ANK2: variants seen among roughly 807,000 people sequenced by gnomAD.
ANK2 encodes ankyrin-2.
A neutral mutation model predicts 360.5 loss-of-function variants in ANK2; 83 were observed. The ratio of observed to expected loss-of-function variants is 0.23; its 90% CI spans 0.19 to 0.28. The LOEUF (loss-of-function observed/expected upper bound fraction) is 0.28. ANK2 is among the 10% of genes least tolerant of loss of function. ANK2 has a pLI of 1.00. For missense variants in ANK2, 4,201 were observed against 4,795.7 expected (o/e 0.88, Z 3.66); for synonymous variants, 1,740 against 1,759.5 (o/e 0.99, Z 0.28).
At chr4:113,177,657 A>G (rs1026223274) in intron 2 of ANK2, among the ~76,000 whole-genome samples, 4 of 152,236 alleles carry the variant, frequency 2.6e-5, no homozygotes, top group Non-Finnish European at 5.9e-5. Context: ...CTCAATTCTT[A>G]TCATATTTAT....
At chr4:113,255,226 A>G (rs1031918655) in intron 10 of ANK2, among the ~76,000 whole-genome samples, 1 of 152,194 alleles carries the variant, frequency 6.6e-6, no homozygotes, top group African/African-American at 2.4e-5. Context: ...GTCTCCTAAT[A>G]CTATAGGTAA....
chr4:113,048,079 T>C (rs1025745872), upstream of ANK2, among the ~76,000 whole-genome samples: 1 of 151,540 alleles, frequency 6.6e-6, no homozygotes, highest in Non-Finnish European at 1.5e-5. Flanking sequence ...AATTTCAAAG[T>C]GCATTTATAT....
intron 1 of ANK2, among the ~76,000 whole-genome samples, chr4:112,848,574 T>A (rs1040871198): frequency 6.6e-6 from 1 of 152,238 alleles, no homozygotes; most frequent in Non-Finnish European, 1.5e-5. Context: ...CTGTAATTTT[T>A]TGTGTGAGTA....
Position 112,826,391 on chromosome 4 carries a change from C to T in ANK2, c.-40+8127C>T, listed in dbSNP as rs190374313. On this transcript the variant is annotated intron_variant, in intron 1 of 30. Coordinates refer to the ANK2 transcript ENST00000503271. ...CACTGCAACCTGAAAAGCCAGTTGT[C>T]CCTGGAACAGAAGTAACACTTTCCC... 4 of 1,008,760 alleles carry T rather than the reference C, an allele frequency of 4.0e-6. No individual in the cohort carries two copies. The African/African-American group carries it at 6.5e-5, about 16-fold the overall frequency. The allele number at this position is 1,008,760 out of a possible 1,614,324, so 62.5% of individuals were successfully genotyped here.
intron 2 of ANK2, among the ~76,000 whole-genome samples, chr4:112,984,872 G>T (rs1578360074): frequency 6.6e-6 from 1 of 152,160 alleles, no homozygotes; most frequent in African/African-American, 2.4e-5. Context: ...GTGTGTTGGG[G>T]TCAAATGTAG....
chr4:112,706,101 G>A, the ANK2 span, among the ~76,000 whole-genome samples: 2 of 151,408 alleles, frequency 1.3e-5, no homozygotes, highest in East Asian at 2.0e-4. Flanking sequence ...GGAGACGCGG[G>A]AGACCCGGGC....
chr4:113,356,534 A>G lies in ANK2; in HGVS notation c.7916A>G (p.His2639Arg). ...DCSVDVDEPK[H>R]TGSGEDESGV... ...TCAGTAGATGTGGATGAACCAAAAC[A>G]TACAGGCAGTGGGGAGGATGAAAGT... Residue 2639 changes from histidine to arginine, a missense_variant, in exon 38 of 46, where the codon CAT (histidine) becomes CGT (arginine). Coordinates refer to ENST00000357077, the MANE Select transcript of ANK2 (RefSeq NM_001148.6). 1.2e-6 allele frequency: 2 copies of G among 1,614,150 alleles called. No homozygotes were observed. Among genetic ancestry groups the G allele is most frequent in the Non-Finnish European group, 1.7e-6 (2 of 1,180,004 alleles).
intron 2 of ANK2, among the ~76,000 whole-genome samples, chr4:113,004,158 A>G (rs2051869429): frequency 6.6e-6 from 1 of 152,186 alleles, no homozygotes; most frequent in East Asian, 1.9e-4. Flanking sequence ...AGGCTACACT[A>G]CATTTATATT....
At chr4:112,745,114 A>G in the ANK2 span, among the ~76,000 whole-genome samples, 1 of 152,190 alleles carries the variant, frequency 6.6e-6, no homozygotes, top group Non-Finnish European at 1.5e-5. Flanking sequence ...CAGACAGTCA[A>G]TTTATCAGCC....
intron 1 of ANK2, among the ~76,000 whole-genome samples, chr4:113,128,800 A>G (rs1449352031): frequency 6.6e-6 from 1 of 152,100 alleles, no homozygotes; most frequent in Non-Finnish European, 1.5e-5. Context: ...TTTTTAATAT[A>G]TACACAGATA....
At chr4:113,103,826 A>G (rs2093279862) in intron 1 of ANK2, among the ~76,000 whole-genome samples, 1 of 152,152 alleles carries the variant, frequency 6.6e-6, no homozygotes. Context: ...ACACATCTGA[A>G]TATTTGCTTA....
At chr4:113,379,889 C>A (rs751839148) in intron 45 of ANK2, among the ~76,000 whole-genome samples, 1 of 152,162 alleles carries the variant, frequency 6.6e-6, no homozygotes, top group African/African-American at 2.4e-5. Flanking sequence ...GGCAGAACTT[C>A]CAACTTCTGA....
intron 1 of ANK2, among the ~76,000 whole-genome samples, chr4:113,146,580 A>T (rs926821802): frequency 6.6e-6 from 1 of 152,130 alleles, no homozygotes; most frequent in Admixed American, 6.5e-5. Flanking sequence ...TTATTTTTTT[A>T]AATCTTTATT....
intron 2 of ANK2, among the ~76,000 whole-genome samples, chr4:113,008,952 C>G (rs908837881): frequency 2.6e-5 from 4 of 152,138 alleles, no homozygotes; most frequent in Non-Finnish European, 5.9e-5. Flanking sequence ...AGCTGCTGAT[C>G]AGCTGCTTCA....
intron 1 of ANK2, among the ~76,000 whole-genome samples, chr4:113,136,939 G>C (rs1315694280): frequency 6.6e-6 from 1 of 151,928 alleles, no homozygotes; most frequent in African/African-American, 2.4e-5. Flanking sequence ...TGTATTTTTA[G>C]TAGAGACGAG....
chr4:113,151,174 TA>T, intron 1 of ANK2: 1 of 1,250,160 alleles, frequency 8.0e-7, no homozygotes, highest in Non-Finnish European at 1.0e-6. Flanking sequence ...CGTTGGTAAC[TA>T]AGAAGTTTTA....
chr4:112,708,155 A>G, the ANK2 span, among the ~76,000 whole-genome samples: 1 of 152,236 alleles, frequency 6.6e-6, no homozygotes, highest in Admixed American at 6.5e-5. Context: ...AACGGAAGGG[A>G]AAACCGTGTT....
intron 1 of ANK2, chr4:113,106,903 C>T (rs369503938): frequency 4.1e-5 from 22 of 533,626 alleles, no homozygotes; most frequent in African/African-American, 7.7e-5. Context: ...AAAGGTCCAT[C>T]TCCTGCCTAT....
At chr4:112,885,682 A>G (rs1253478078) in intron 1 of ANK2, among the ~76,000 whole-genome samples, 3 of 150,014 alleles carry the variant, frequency 2.0e-5, no homozygotes, top group Non-Finnish European at 4.4e-5. Context: ...CTGTAGTCCC[A>G]GCTACTCGGA....
Sources: allele counts gnomAD v4.1 joint callset (sites outside exome capture counted in the v4.1 genomes callset), GRCh38; gene constraint gnomAD v4.1.1; transcripts MANE v1.5; gene names NCBI Gene and HGNC (gene_info 2026-07-23, HGNC 2026-07-21).